DNAH17: variants seen among roughly 807,000 people sequenced by gnomAD.
The protein encoded by DNAH17 is axonemal beta dynein heavy chain 17.
DNAH17 carries 376 observed loss-of-function variants against 485.6 expected under a neutral mutation model. That is an observed-to-expected ratio of 0.77 (90% CI 0.71 to 0.84). The LOEUF (loss-of-function observed/expected upper bound fraction) is 0.84, where lower values mean the gene tolerates loss of function less well. DNAH17 is among the 40% of genes least tolerant of loss of function. The probability of loss-of-function intolerance (pLI) is 0.00; values close to 1 mark genes in which losing one functional copy is unlikely to be tolerated. For missense variants in DNAH17, 6,370 were observed against 5,839.3 expected (o/e 1.09, Z -2.96); for synonymous variants, 3,031 against 2,405.9 (o/e 1.26, Z -7.60).
In DNAH17 at chr17:78,543,727, G is replaced by A. The variant is rs56248809; in HGVS notation, c.2532+130C>T. 7.1e-4 allele frequency: 1,002 copies of A among 1,409,526 alleles called. 6 individuals carry two copies. The African/African-American group carries it at 0.012, about 17-fold the overall frequency. The allele number at this position is 1,409,526 out of a possible 1,614,324, so 87.3% of individuals were successfully genotyped here. A position where few individuals can be genotyped will look rare whatever the true frequency, so the allele number is the denominator to read the frequency against. On this transcript the variant is annotated intron_variant, in intron 17 of 80. Coordinates refer to ENST00000389840, the MANE Select transcript of DNAH17 (RefSeq NM_173628.4). ...GGTGAGAGCCACTGCATCCAGCCAG[G>A]TCACAGACTTCTATGACTACAAGAA... is the stretch of plus-strand genomic sequence containing the variant.
In DNAH17 at chr17:78,432,387, C is replaced by T. The variant is rs1052366027; in HGVS notation, c.12225+1642G>A. Among the ~76,000 whole-genome samples, 7 of 4,088 alleles carry T rather than the reference C, an allele frequency of 1.7e-3. No homozygotes were observed. The South Asian group carries it at 0.36, about 209-fold the overall frequency. The allele number at this position is 4,088 out of a possible 152,430, so 2.7% of individuals were successfully genotyped here. On this transcript the variant is annotated intron_variant, in intron 75 of 80. Coordinates refer to ENST00000389840, the MANE Select transcript of DNAH17 (RefSeq NM_173628.4). ...CCGGCCGGCACCCTGCCCCATCGAC[C>T]GGCAGACAGCAGAGGCTGCCTTTCC...
Position 78,501,194 on chromosome 17 carries a change from G to C in DNAH17, c.5473C>G (p.Leu1825Val), listed in dbSNP as rs761739898. The C allele has an allele frequency of 6.3e-7, 1 of 1,584,318 alleles. No individual in the cohort carries two copies. Among genetic ancestry groups the C allele is most frequent in the Non-Finnish European group, 8.6e-7 (1 of 1,157,804 alleles). Residue 1825 changes from leucine (L) to valine (V), a missense_variant, in exon 35 of 81, where the codon CTC (leucine) becomes GTC (valine). Physicochemically the swap from Leu to Val is conservative, Grantham distance 32. Coordinates refer to ENST00000389840, the MANE Select transcript of DNAH17 (RefSeq NM_173628.4). Reference protein sequence around the residue: ...GNTPRLVITPLTDRCYITLTQ... With the variant: ...GNTPRLVITPVTDRCYITLTQ... ...AGGGACGGGCCTCACCTGTCAGTGA[G>C]TGGGGTGATGACCAGCCGCGGCGTG...
At chr17:78,464,097 T>C (rs973267512) in intron 56 of DNAH17, among the ~76,000 whole-genome samples, 1 of 152,182 alleles carries the variant, frequency 6.6e-6, no homozygotes, top group Non-Finnish European at 1.5e-5. Context: ...TCCTACTTAA[T>C]AACTGGATAT....
chr17:78,525,390 G>T (rs1451326164), intron 24 of DNAH17, among the ~76,000 whole-genome samples: 1 of 152,220 alleles, frequency 6.6e-6, no homozygotes, highest in Non-Finnish European at 1.5e-5. Context: ...CCACACCAGC[G>T]TGGGGACTGA....
In DNAH17 at chr17:78,538,953, C is replaced by T. The variant is rs143992570; in HGVS notation, c.2676+784G>A. Among the ~76,000 whole-genome samples the T allele has an allele frequency of 5.8e-3, 882 of 152,328 alleles. 9 individuals are homozygous for T. The highest frequency in any genetic ancestry group is 0.02 in the African/African-American group (821 of 41,560). On this transcript the variant is annotated intron_variant, in intron 18 of 80. Coordinates refer to ENST00000389840, the MANE Select transcript of DNAH17 (RefSeq NM_173628.4). ...CCATCTCAACAAAAAAGATGCAGGG[C>T]TGGGCACAGTGGTTCACGCCTGTAA...
intron 44 of DNAH17, among the ~76,000 whole-genome samples, chr17:78,490,398 T>C (rs1402964337): frequency 1.3e-5 from 2 of 152,138 alleles, no homozygotes; most frequent in African/African-American, 2.4e-5. Context: ...CAAACTTCAA[T>C]CACCTGGGAA....
intron 35 of DNAH17, 174 bp downstream of exon 35, chr17:78,501,010 G>T: frequency 1.4e-6 from 1 of 690,778 alleles, no homozygotes; most frequent in Non-Finnish European, 2.2e-6. Flanking sequence ...AGGCCACACA[G>T]CCGGTGCTAG....
chr17:78,462,279 G>T (rs542477822), intron 57 of DNAH17, among the ~76,000 whole-genome samples: 2 of 150,548 alleles, frequency 1.3e-5, no homozygotes, highest in East Asian at 2.0e-4. Flanking sequence ...TGGGGGCAGG[G>T]GTGCGAAAGC....
At chr17:78,450,534 C>T in intron 67 of DNAH17, 140 bp from the exon 68 acceptor site, 2 of 1,421,316 alleles carry the variant, frequency 1.4e-6, no homozygotes, top group Non-Finnish European at 1.9e-6. Context: ...AGGATGGGAG[C>T]CCAGACCCCT....
chr17:78,425,174 C>T, intron 80 of DNAH17, 172 bp downstream of exon 80: 1 of 640,628 alleles, frequency 1.6e-6, no homozygotes, highest in Non-Finnish European at 2.7e-6. Flanking sequence ...TCAACCCTCT[C>T]TAGGGTCAGC....
rs572081123 is a variant in DNAH17, at chr17:78,470,278, G to A, written c.8512-1395C>T. Among the ~76,000 whole-genome samples, 11 of 151,014 alleles carry A rather than the reference G, an allele frequency of 7.3e-5. No individual in the cohort carries two copies. The East Asian group carries it at 2.0e-3, about 27-fold the overall frequency. On this transcript the variant is annotated intron_variant, in intron 54 of 80. Transcript: ENST00000389840. ...AGACAGGGTTTTACCATGTTGGCCA[G>A]GCTGGTCTTGAACTCCGGACCTCAA...
At chr17:78,425,214 T>C in intron 80 of DNAH17, 132 bp downstream of exon 80, 3 of 863,022 alleles carry the variant, frequency 3.5e-6, no homozygotes, top group Non-Finnish European at 5.4e-6. Flanking sequence ...TGATGCCCCC[T>C]GAGAGCACCT....
At chr17:78,525,908 G>A (rs2091056725) in intron 24 of DNAH17, among the ~76,000 whole-genome samples, 1 of 152,278 alleles carries the variant, frequency 6.6e-6, no homozygotes, top group Non-Finnish European at 1.5e-5. Flanking sequence ...AGCTCAGGGA[G>A]GGGAAGAGTG....
At chr17:78,512,661 G>T (rs2090664899) in intron 26 of DNAH17, among the ~76,000 whole-genome samples, 1 of 152,090 alleles carries the variant, frequency 6.6e-6, no homozygotes, top group Non-Finnish European at 1.5e-5. Flanking sequence ...ATCAATGGAG[G>T]CCAGGTGCGG....
Position 78,570,943 on chromosome 17 carries a change from C to A in DNAH17, c.918+5G>T, listed in dbSNP as rs772564598. The A allele has an allele frequency of 3.8e-6, 6 of 1,581,572 alleles. No individual in the cohort carries two copies. The South Asian group carries it at 6.9e-5, about 18-fold the overall frequency. ...ACCAAAGCCGGCTCTCCCTTGCCTGCGCACCATCGTGAAGTCGGCTTGTTC... is the reference window on the plus strand; with the variant it reads ...ACCAAAGCCGGCTCTCCCTTGCCTGAGCACCATCGTGAAGTCGGCTTGTTC... On this transcript the variant is annotated splice_donor_5th_base_variant and intron_variant, in intron 6 of 80. Transcript: ENST00000389840.
chr17:78,457,706 G>A (rs146056996), intron 62 of DNAH17, among the ~76,000 whole-genome samples: 3,745 of 142,820 alleles, frequency 0.026, 58 homozygotes, highest in Middle Eastern at 0.068. Flanking sequence ...TGTCACCCAG[G>A]CTGGAGTACA....
At chr17:78,483,867 C>T (rs955138142) in intron 48 of DNAH17, among the ~76,000 whole-genome samples, 17 of 151,908 alleles carry the variant, frequency 1.1e-4, no homozygotes, top group Admixed American at 4.6e-4. Flanking sequence ...GAGGCCAAGG[C>T]GGGCGGATCA....
At chr17:78,565,185 G>A (rs1017613828) in intron 11 of DNAH17, among the ~76,000 whole-genome samples, 4 of 152,022 alleles carry the variant, frequency 2.6e-5, no homozygotes, top group South Asian at 2.1e-4. Context: ...AGCTCCCATC[G>A]CTCTCCCTAC....
Position 78,571,735 on chromosome 17 carries a change from G to C in DNAH17, c.587C>G (p.Thr196Ser). The C allele has an allele frequency of 6.2e-7, 1 of 1,611,808 alleles. No individual in the cohort carries two copies. The highest frequency in any genetic ancestry group is 8.5e-7 in the Non-Finnish European group (1 of 1,178,696). Residue 196 changes from threonine to serine, a missense_variant, in exon 4 of 81, where the codon ACC becomes AGC. By Grantham distance (58) the Thr-to-Ser change is moderately conservative. Transcript: ENST00000389840. ...GATCTGGTGGGACCAGTCGATGATG[G>C]TGGTTTCAATGGCGTGCAGGAGCAA... is the stretch of plus-strand genomic sequence containing the variant. ...DNLLLHAIET[T>S]IIDWSHQIRD...
Sources: allele counts gnomAD v4.1 joint callset (sites outside exome capture counted in the v4.1 genomes callset), GRCh38; gene constraint gnomAD v4.1.1; transcripts MANE v1.5; gene names NCBI Gene and HGNC (gene_info 2026-07-23, HGNC 2026-07-21).